Variants in RBFOX3 observed in about 807,000 individuals in gnomAD.
The protein encoded by RBFOX3 is RNA binding protein fox-1 homolog 3.
In RBFOX3, 17 loss-of-function variants were observed where a neutral mutation model predicts 48.7. The ratio of observed to expected loss-of-function variants is 0.35; its 90% CI spans 0.24 to 0.52. The LOEUF is 0.52. RBFOX3 is among the 20% of genes least tolerant of loss of function. The pLI, the probability that RBFOX3 is intolerant of heterozygous loss-of-function variation, is 0.94. For missense variants in RBFOX3, 382 were observed against 497.5 expected, an observed-to-expected ratio of 0.77 and a Z score of 2.21; for synonymous variants, 212 against 209.5, an observed-to-expected ratio of 1.01 and a Z score of -0.10.
chr17:79,183,036 T>C (rs1306794036), intron 4 of RBFOX3, among the ~76,000 whole-genome samples: 7 of 147,648 alleles, frequency 4.7e-5, no homozygotes, highest in Admixed American at 3.3e-4. Flanking sequence ...CGCCCCAAAC[T>C]CCGGCCCCCC....
chr17:79,637,131 A>G, the RBFOX3 span, among the ~76,000 whole-genome samples: 2 of 152,220 alleles, frequency 1.3e-5, no homozygotes, highest in African/African-American at 2.4e-5. Flanking sequence ...TGCACTCAAC[A>G]TCAGATCACC....
At chr17:79,373,283 G>C (rs1282084292) in intron 2 of RBFOX3, among the ~76,000 whole-genome samples, 2 of 152,074 alleles carry the variant, frequency 1.3e-5, no homozygotes, top group African/African-American at 4.8e-5. Context: ...AGCTCCTTAA[G>C]GGCCTAGTCG....
intron 4 of RBFOX3, among the ~76,000 whole-genome samples, chr17:79,148,820 TG>T (rs926888301): frequency 9.9e-5 from 15 of 152,172 alleles, no homozygotes; most frequent in Non-Finnish European, 1.8e-4. Flanking sequence ...CGGGCCTGGC[TG>T]GGGTAGGCTA....
intron 14 of RBFOX3, chr17:79,094,211 T>C (rs1420082289): frequency 9.3e-6 from 4 of 431,572 alleles, no homozygotes; most frequent in East Asian, 7.1e-5. Flanking sequence ...ATTGGGGTGC[T>C]TTCCAGAGGA....
chr17:79,097,880 C>A (rs1422888393), intron 9 of RBFOX3, 135 bp from the exon 10 acceptor site: 2 of 861,906 alleles, frequency 2.3e-6, no homozygotes, highest in Admixed American at 4.2e-5. Flanking sequence ...GCCGGGCCCC[C>A]CTTTCCCACA....
At chr17:79,664,338 C>T in the RBFOX3 span, among the ~76,000 whole-genome samples, 61 of 147,426 alleles carry the variant, frequency 4.1e-4, no homozygotes, top group African/African-American at 1.5e-3. Context: ...CCATGCCTGG[C>T]TAATTTTTGT....
At chr17:79,400,857 A>C (rs1306166394) in intron 2 of RBFOX3, among the ~76,000 whole-genome samples, 1 of 151,670 alleles carries the variant, frequency 6.6e-6, no homozygotes, top group Non-Finnish European at 1.5e-5. Context: ...AAGTCCCCAC[A>C]CTCTCCTAAG....
intron 4 of RBFOX3, among the ~76,000 whole-genome samples, chr17:79,122,310 A>G (rs771644288): frequency 1.3e-5 from 2 of 152,054 alleles, no homozygotes; most frequent in Admixed American, 6.5e-5. Flanking sequence ...AAGTCCTGAG[A>G]CGGCCCCTCC....
chr17:79,387,615 A>C (rs1159566028), intron 2 of RBFOX3, among the ~76,000 whole-genome samples: 16 of 152,240 alleles, frequency 1.1e-4, no homozygotes, highest in Admixed American at 1.0e-3. Context: ...ATGAGGGGCC[A>C]TGAGCTCTGC....
intron 1 of RBFOX3, among the ~76,000 whole-genome samples, chr17:79,494,434 G>T (rs1487503478): frequency 6.6e-6 from 1 of 152,200 alleles, no homozygotes; most frequent in Admixed American, 6.5e-5. Flanking sequence ...TGCTCCCACC[G>T]CACAGGCTGG....
chr17:79,173,575 C>T lies in RBFOX3; in HGVS notation c.-33-57827G>A, dbSNP rs563040442. ...GCCCCTGATGCCTTTAGCTGATCTT[C>T]CCGGTCAACCTTCCAAAACACACAG... On this transcript the variant is annotated intron_variant, in intron 4 of 14. Transcript: ENST00000693108. Among the ~76,000 whole-genome samples, 715 of 152,308 alleles carry T rather than the reference C, an allele frequency of 4.7e-3. 5 individuals carry two copies. Among genetic ancestry groups the T allele is most frequent in the Middle Eastern group, 0.01 (3 of 294 alleles).
At chr17:79,163,775 C>T (rs1454903670) in intron 4 of RBFOX3, among the ~76,000 whole-genome samples, 1 of 152,286 alleles carries the variant, frequency 6.6e-6, no homozygotes, top group Non-Finnish European at 1.5e-5. Flanking sequence ...CACCTGGGAC[C>T]GCCAGATGCA....
At chr17:79,588,415 T>G (rs1599230703) in intron 1 of RBFOX3, among the ~76,000 whole-genome samples, 1 of 151,804 alleles carries the variant, frequency 6.6e-6, no homozygotes, top group Non-Finnish European at 1.5e-5. Context: ...TGGCATCAAA[T>G]CCTCCTCCTG....
At chr17:79,140,345 GC>G (rs1231124482) in intron 4 of RBFOX3, among the ~76,000 whole-genome samples, 1 of 152,260 alleles carries the variant, frequency 6.6e-6, no homozygotes, top group African/African-American at 2.4e-5. Context: ...TGTATCTCCA[GC>G]CCTGGCCCTG....
chr17:79,105,501 G>A (rs1019905743), intron 6 of RBFOX3, among the ~76,000 whole-genome samples: 2 of 152,154 alleles, frequency 1.3e-5, no homozygotes, highest in African/African-American at 2.4e-5. Flanking sequence ...ACCCAGAGTC[G>A]AGAAGGGACA....
intron 4 of RBFOX3, among the ~76,000 whole-genome samples, chr17:79,217,540 C>T (rs559968711): frequency 7.9e-5 from 12 of 152,204 alleles, no homozygotes; most frequent in East Asian, 3.9e-4. Flanking sequence ...CCAGGGTGCT[C>T]GAGGGAGCTG....
intron 4 of RBFOX3, among the ~76,000 whole-genome samples, chr17:79,124,632 G>C (rs1254069506): frequency 7.1e-6 from 1 of 140,846 alleles, no homozygotes; most frequent in Non-Finnish European, 1.5e-5. Context: ...ACCAGCTCGG[G>C]TGTGGGGGCA....
At chr17:79,582,591 C>G (rs1048487263) in intron 1 of RBFOX3, among the ~76,000 whole-genome samples, 2 of 151,986 alleles carry the variant, frequency 1.3e-5, no homozygotes, top group Non-Finnish European at 2.9e-5. Context: ...TTGCTTGAGC[C>G]TACGCATTTG....
chr17:79,201,597 C>T (rs754911304), intron 4 of RBFOX3, among the ~76,000 whole-genome samples: 18 of 152,204 alleles, frequency 1.2e-4, no homozygotes, highest in Non-Finnish European at 5.9e-5. Flanking sequence ...GGACTGTTCA[C>T]GATCTCTCTT....
Sources: allele counts gnomAD v4.1 joint callset (sites outside exome capture counted in the v4.1 genomes callset), GRCh38; gene constraint gnomAD v4.1.1; transcripts MANE v1.5; gene names NCBI Gene and HGNC (gene_info 2026-07-23, HGNC 2026-07-21).